APC2: variants seen among roughly 807,000 people sequenced by gnomAD.
The protein encoded by APC2 is adenomatous polyposis coli protein 2.
In APC2, 41 loss-of-function variants were observed where a neutral mutation model predicts 72.5. That is an observed-to-expected ratio of 0.57 (90% CI 0.44 to 0.73). The LOEUF is 0.73. APC2 is among the 30% of genes least tolerant of loss of function. The pLI is 0.00. For synonymous variants in APC2, 1,898 were observed against 1,612.0 expected (o/e 1.18, Z -4.25); for missense variants, 3,729 against 3,403.4 (o/e 1.10, Z -2.38).
chr19:1,462,232 G>A lies in APC2; in HGVS notation c.1853+55G>A, dbSNP rs1440425009. 6.9e-6 allele frequency: 10 copies of A among 1,443,952 alleles called. No homozygotes were observed. In the East Asian group the frequency reaches 2.0e-4, roughly 29 times the overall value. The allele number at this position is 1,443,952 out of a possible 1,614,324, so 89.4% of individuals were successfully genotyped here. Reference sequence around the variant, plus strand: ...GGCAGCTGCGCTCGGGGCGGGCACAGGGCTGGGCTGGGCACTGTCCTCCCG... The same window carrying A: ...GGCAGCTGCGCTCGGGGCGGGCACAAGGCTGGGCTGGGCACTGTCCTCCCG... On this transcript the variant is annotated intron_variant, in intron 14 of 14. Transcript: ENST00000590469.
intron 14 of APC2, among the ~76,000 whole-genome samples, chr19:1,464,284 G>A (rs1290051890): frequency 6.6e-6 from 1 of 151,742 alleles, no homozygotes; most frequent in Non-Finnish European, 1.5e-5. Flanking sequence ...ACTCCAGCCT[G>A]GGTAACAAGA....
upstream of APC2, among the ~76,000 whole-genome samples, chr19:1,446,791 G>C (rs915797958): frequency 2.6e-5 from 4 of 152,116 alleles, no homozygotes; most frequent in African/African-American, 9.7e-5. This position sits in a 1 kb window ranked among gnomAD's most constrained non-coding sequence, Gnocchi z 6.1. Flanking sequence ...GGGCGCGAGC[G>C]TATGGCCTGC....
Position 1,460,052 on chromosome 19 carries a change from G to A in APC2, c.1304-129G>A, listed in dbSNP as rs1035846512. The stretch of plus-strand genomic sequence containing the variant: ...GCTCCTGGAGGAGGTCTCAGACTTG[G>A]GCCTGGAAGGGGAACTTGAGGGCAG... On this transcript the variant is annotated intron_variant, in intron 10 of 14. Transcript: ENST00000590469. The A allele has an allele frequency of 3.9e-6, 5 of 1,285,024 alleles. No individual in the cohort carries two copies. The African/African-American group carries it at 5.9e-5, about 15-fold the overall frequency. 79.6% of individuals were successfully genotyped at this position (1,285,024 alleles called of 1,614,324 possible).
In APC2 at chr19:1,456,099, G is replaced by A; in HGVS notation, c.663G>A (p.Gln221=). The A allele has an allele frequency of 6.9e-6, 11 of 1,588,602 alleles. No homozygotes were observed. Among genetic ancestry groups the A allele is most frequent in the Non-Finnish European group, 8.5e-6 (10 of 1,170,152 alleles). The change falls in exon 7 of 15, where the codon CAG becomes CAA. Residue 221 remains glutamine, a synonymous_variant. Coordinates refer to ENST00000590469, the MANE Select transcript of APC2 (RefSeq NM_005883.3). ...AGATCCGCGCCTCGCGCCTGGAGCA[G>A]ATTGACAAGGAGCTGCTGGAGGCGC... is the stretch of plus-strand genomic sequence containing the variant. The part of the protein sequence containing the change: ...RAQIRASRLE[Q]IDKELLEAQD...
chr19:1,468,546 C>A lies in APC2; in HGVS notation c.5245C>A (p.Arg1749=). 1 of 1,598,416 alleles carries A rather than the reference C, an allele frequency of 6.3e-7. No homozygotes were observed. Among genetic ancestry groups the A allele is most frequent in the East Asian group, 2.3e-5 (1 of 44,416 alleles). ...GGCGGAGGGAGAAATGGGCAGTGCC[C>A]GGCGGCCAGAGAAAAGGGGCGCAGC... is the stretch of plus-strand genomic sequence containing the variant. ...RQAEGEMGSA[R]RPEKRGAASV... is the part of the protein sequence containing the mutation. The change falls in exon 15 of 15, where the codon CGG becomes AGG. Residue 1749 remains arginine (R), a synonymous_variant. Coordinates refer to ENST00000590469, the MANE Select transcript of APC2 (RefSeq NM_005883.3).
rs781702680 is a variant in APC2, at chr19:1,468,893, G to C, written c.5592G>C (p.Pro1864=). The change falls in exon 15 of 15, where the codon CCG becomes CCC. Residue 1864 remains proline, a synonymous_variant. Transcript: ENST00000590469. The stretch of plus-strand genomic sequence containing the variant: ...GCCAGCCCCCCAGAAGCGCCACACC[G>C]CCCGCCCGCCTCGCCAAGACCCCCT... ...TLSQPPRSAT[P]PARLAKTPSS... 9.9e-6 allele frequency: 15 copies of C among 1,512,828 alleles called. No homozygotes were observed. The highest frequency in any genetic ancestry group is 1.4e-5 in the African/African-American group (1 of 70,004). 93.7% of individuals were successfully genotyped at this position (1,512,828 alleles called of 1,614,324 possible).
chr19:1,457,159 G>A lies in APC2; in HGVS notation c.1123G>A (p.Glu375Lys). The change falls in exon 9 of 15, where the codon GAG (glutamate) becomes AAG (lysine). Residue 375 changes from glutamate (E) to lysine (K), a missense_variant. Coordinates refer to ENST00000590469, the MANE Select transcript of APC2 (RefSeq NM_005883.3). ...GGAGATGCGCGTCCTGCACGTGCTG[G>A]AGCAGATCCGGGCCTACTGCGAGAC... ...RKEMRVLHVLEQIRAYCETCW... is the reference protein window; with the variant it reads ...RKEMRVLHVLKQIRAYCETCW... The A allele has an allele frequency of 6.3e-7, 1 of 1,585,868 alleles. No homozygotes were observed. The highest frequency in any genetic ancestry group is 8.6e-7 in the Non-Finnish European group (1 of 1,168,796).
chr19:1,448,401 G>T (rs2083705781), upstream of APC2, among the ~76,000 whole-genome samples: 2 of 152,070 alleles, frequency 1.3e-5, no homozygotes, highest in African/African-American at 4.8e-5. Flanking sequence ...ACAAAAATTA[G>T]CTGGCAAGGT....
Position 1,466,937 on chromosome 19 carries a change from G to A in APC2, c.3636G>A (p.Lys1212=). The A allele has an allele frequency of 6.3e-7, 1 of 1,599,402 alleles. No individual in the cohort carries two copies. The highest frequency in any genetic ancestry group is 2.3e-5 in the East Asian group (1 of 44,384). The change falls in exon 15 of 15, where the codon AAG becomes AAA. Residue 1212 remains lysine, a synonymous_variant. Transcript: ENST00000590469. ...PGQTMPPSRS[K]TPPLAPAPQG... is the part of the protein sequence containing the mutation. ...AGACCATGCCTCCCAGCCGGAGCAA[G>A]ACGCCACCGCTGGCGCCCGCGCCAC...
At chr19:1,461,728 T>C (rs1250800452) in intron 13 of APC2, 7 of 534,736 alleles carry the variant, frequency 1.3e-5, no homozygotes, top group African/African-American at 3.9e-5. Flanking sequence ...GGCGGGTGTC[T>C]GTAGTCCCAG....
intron 7 of APC2, 58 bp from the exon 8 acceptor site, chr19:1,456,248 G>C (rs1347680005): frequency 1.3e-6 from 2 of 1,564,176 alleles, no homozygotes; most frequent in South Asian, 2.3e-5. Flanking sequence ...ACATCATCAC[G>C]GGTGAGCAGA....
chr19:1,449,579 CAGGG>C (rs111746710), upstream of APC2, among the ~76,000 whole-genome samples: 1,363 of 152,310 alleles, frequency 8.9e-3, 22 homozygotes, highest in East Asian at 0.037. Flanking sequence ...GTTGGGGAGA[CAGGG>C]AGAAATGTGG....
Position 1,468,600 on chromosome 19 carries a change from T to G in APC2, c.5299T>G (p.Ser1767Ala), listed in dbSNP as rs1720887617. Residue 1767 changes from serine (S) to alanine (A), a missense_variant, in exon 15 of 15, where the codon TCC becomes GCC. Transcript: ENST00000590469. The part of the protein sequence containing the change: ...ASVKTSGSPR[S>A]PAGPEKPRGT... Reference sequence around the variant, plus strand: ...AGTCAAGACCAGCGGGAGCCCCCGTTCCCCTGCAGGCCCCGAGAAGCCACG... The same window carrying G: ...AGTCAAGACCAGCGGGAGCCCCCGTGCCCCTGCAGGCCCCGAGAAGCCACG... 1.2e-6 allele frequency: 2 copies of G among 1,600,672 alleles called. No homozygotes were observed. Among genetic ancestry groups the G allele is most frequent in the East Asian group, 4.5e-5 (2 of 44,412 alleles).
At chr19:1,459,590 C>G (rs558448707) in intron 10 of APC2, among the ~76,000 whole-genome samples, 16 of 152,224 alleles carry the variant, frequency 1.1e-4, no homozygotes, top group Non-Finnish European at 1.5e-5. Flanking sequence ...CTGACCCACT[C>G]CTGCTCTGAG....
Position 1,469,824 on chromosome 19 carries a change from G to C in APC2, c.6523G>C (p.Glu2175Gln). 6.6e-7 allele frequency: 1 copy of C among 1,520,222 alleles called. No homozygotes were observed. Among genetic ancestry groups the C allele is most frequent in the Non-Finnish European group, 8.8e-7 (1 of 1,141,100 alleles). The allele number at this position is 1,520,222 out of a possible 1,614,324, so 94.2% of individuals were successfully genotyped here. The change falls in exon 15 of 15, where the codon GAG (glutamate) becomes CAG (glutamine). Residue 2175 changes from glutamate (E) to glutamine (Q), a missense_variant. Coordinates refer to ENST00000590469, the MANE Select transcript of APC2 (RefSeq NM_005883.3). ...TALPLRGSTP[E>Q]DAPAGPPPRK... ...CCTGCCACTGCGGGGCTCCACGCCC[G>C]AGGACGCCCCGGCCGGGCCCCCGCC...
At position 1,469,086 on chromosome 19, in the gene APC2, C is replaced by T; in HGVS notation, c.5785C>T (p.Arg1929Trp). Reference sequence around the variant, plus strand: ...GCACAAGACGCAGAGATCGCCCGTGCGGATCCCGTTCATGCAGAGGCCGGC... The same window carrying T: ...GCACAAGACGCAGAGATCGCCCGTGTGGATCCCGTTCATGCAGAGGCCGGC... ...KQHKTQRSPVRIPFMQRPARR... is the reference protein window; with the variant it reads ...KQHKTQRSPVWIPFMQRPARR... Residue 1929 changes from arginine to tryptophan, a missense_variant, in exon 15 of 15, where the codon CGG (arginine) becomes TGG (tryptophan). By Grantham distance (101) the Arg-to-Trp change is moderately radical. Coordinates refer to ENST00000590469, the MANE Select transcript of APC2 (RefSeq NM_005883.3). 2 of 1,499,454 alleles carry T rather than the reference C, an allele frequency of 1.3e-6. No individual in the cohort carries two copies. Among genetic ancestry groups the T allele is most frequent in the Non-Finnish European group, 1.8e-6 (2 of 1,122,862 alleles). The allele number at this position is 1,499,454 out of a possible 1,614,324, so 92.9% of individuals were successfully genotyped here.
chr19:1,469,610 G>A lies in APC2; in HGVS notation c.6309G>A (p.Pro2103=), dbSNP rs145335448. The A allele has an allele frequency of 2.7e-4, 341 of 1,258,272 alleles. No homozygotes were observed. Among genetic ancestry groups the A allele is most frequent in the Non-Finnish European group, 2.5e-4 (244 of 993,248 alleles). The allele number at this position is 1,258,272 out of a possible 1,614,324, so 77.9% of individuals were successfully genotyped here. A position where few individuals can be genotyped will look rare whatever the true frequency, so the allele number is the denominator to read the frequency against. ...CTGTCAAGCGCTACGCGTCGCTGCC[G>A]CACATCAGCGTGGCCCGCAGGCCCG... ...PETVKRYASL[P]HISVARRPDG... The change falls in exon 15 of 15, where the codon CCG becomes CCA. Residue 2103 remains proline (P), a synonymous_variant. Transcript: ENST00000590469.
At chr19:1,450,484 G>A in intron 1 of APC2, 146 bp downstream of exon 1, 1 of 661,460 alleles carries the variant, frequency 1.5e-6, no homozygotes, top group Non-Finnish European at 1.9e-6. Flanking sequence ...CTGAGTCCCG[G>A]TGAGCTGGGC....
At chr19:1,464,721 C>T (rs1383201927) in intron 14 of APC2, among the ~76,000 whole-genome samples, 2 of 149,090 alleles carry the variant, frequency 1.3e-5, no homozygotes, top group African/African-American at 5.0e-5. Context: ...CAGCCTCTAC[C>T]TCCCGGGTTC....
Sources: gnomAD v4.1 joint callset for allele counts (sites outside exome capture counted in the v4.1 genomes callset) on GRCh38, gnomAD v4.1.1 for gene constraint, Gnocchi (gnomAD v3.1) non-coding constraint, MANE v1.5 for transcripts, NCBI Gene and HGNC (gene_info 2026-07-23, HGNC 2026-07-21) for gene names.